SMCHD1: variants seen among roughly 807,000 people sequenced by gnomAD.
SMCHD1 encodes the protein structural maintenance of chromosomes flexible hinge domain-containing protein 1.
Under a neutral mutation model 254.7 loss-of-function variants are expected in SMCHD1, and 78 were observed. The ratio of observed to expected loss-of-function variants is 0.31; its 90% confidence interval spans 0.26 to 0.37. The LOEUF (loss-of-function observed/expected upper bound fraction) is 0.37, where lower values mean the gene tolerates loss of function less well. Among genes scored for constraint, SMCHD1 ranks in the 10% least tolerant of loss-of-function variants. SMCHD1 has a pLI of 1.00. For missense variants in SMCHD1, 1,840 were observed against 2,408.1 expected (o/e 0.76, Z 4.94); for synonymous variants, 766 against 794.9 (o/e 0.96, Z 0.61).
Position 2,733,134 on chromosome 18 carries a change from C to T in SMCHD1, c.3276+642C>T, listed in dbSNP as rs76480042. Among the ~76,000 whole-genome samples the T allele has an allele frequency of 8.6e-3, 1,310 of 152,284 alleles. 17 individuals carry two copies. The highest frequency in any genetic ancestry group is 0.029 in the African/African-American group (1,212 of 41,550). The stretch of plus-strand genomic sequence containing the variant: ...TTTTTAGCATTCCTTTGATGGTTGA[C>T]TGAAAGAATAGTGGACAGTCTATGC... On this transcript the variant is annotated intron_variant, in intron 25 of 47. Transcript: ENST00000320876.
At chr18:2,739,140 T>C (rs1169695757) in intron 26 of SMCHD1, among the ~76,000 whole-genome samples, 1 of 152,188 alleles carries the variant, frequency 6.6e-6, no homozygotes, top group Non-Finnish European at 1.5e-5. Context: ...CTCAATGAGT[T>C]GTTAACTCAT....
At chr18:2,787,733 C>G (rs1026036584) in intron 45 of SMCHD1, among the ~76,000 whole-genome samples, 2 of 152,138 alleles carry the variant, frequency 1.3e-5, no homozygotes, top group Non-Finnish European at 2.9e-5. Flanking sequence ...AGATACACTC[C>G]CACATACAGA....
At chr18:2,751,755 G>GT (rs1430341509) in intron 33 of SMCHD1, among the ~76,000 whole-genome samples, 1 of 152,092 alleles carries the variant, frequency 6.6e-6, no homozygotes, top group African/African-American at 2.4e-5. Context: ...AGAGTGGAGA[G>GT]TTAGAGGGTC....
At chr18:2,673,492 T>C (rs1278139692) in intron 4 of SMCHD1, 129 bp downstream of exon 4, 1 of 747,640 alleles carries the variant, frequency 1.3e-6, no homozygotes, top group Non-Finnish European at 2.0e-6. Context: ...TCTTCATCCA[T>C]TGTTAAAATT....
chr18:2,715,575 T>G lies in SMCHD1; in HGVS notation c.2261-2583T>G, dbSNP rs868785667. Among the ~76,000 whole-genome samples the G allele has an allele frequency of 3.9e-5, 6 of 152,276 alleles. 1 individual carries two copies. In the Middle Eastern group the frequency reaches 0.01, roughly 259 times the overall value. On this transcript the variant is annotated intron_variant, in intron 17 of 47. Coordinates refer to ENST00000320876, the MANE Select transcript of SMCHD1 (RefSeq NM_015295.3). The stretch of plus-strand genomic sequence containing the variant: ...CATAGAGCTTCTTTAAAAATCAGTA[T>G]TTTAGCTGGGCTTGGTGGCTGATGC...
intron 38 of SMCHD1, 49 bp from the exon 39 acceptor site, chr18:2,769,930 ACATATTTTAG>A (rs1213731774): frequency 6.5e-7 from 1 of 1,534,830 alleles, no homozygotes; most frequent in East Asian, 2.4e-5. Context: ...CCACTTTATG[ACATATTTTAG>A]AAAAGTCAGT....
Position 2,655,970 on chromosome 18 carries a change from C to T in SMCHD1, c.-106C>T, listed in dbSNP as rs2073040628. The T allele has an allele frequency of 1.0e-6, 1 of 990,902 alleles. No homozygotes were observed. The highest frequency in any genetic ancestry group is 1.3e-6 in the Non-Finnish European group (1 of 767,980). The allele number at this position is 990,902 out of a possible 1,614,324, so 61.4% of individuals were successfully genotyped here. A position where few individuals can be genotyped will look rare whatever the true frequency, so the allele number is the denominator to read the frequency against. On this transcript the variant is annotated 5_prime_UTR_variant, in exon 1 of 48. Transcript: ENST00000320876. ...GAGCTGCAGCGCGCCGGGCCGAGGC[C>T]TCGAGCCGCCCCGGGAGCTGGAGCT...
In SMCHD1 at chr18:2,787,641, AGAAAGAATTACCTGTG is replaced by A. The variant is rs562655179; in HGVS notation, c.5719+3024_5719+3039del. On this transcript the variant is annotated intron_variant, in intron 45 of 47. Transcript: ENST00000320876. ...TTTTATGGCAGTAGTTCCCAAAACC[AGAAAGAATTACCTGTG>A]GAACTTAAAAAATACACAGATGTCA... 7.2e-5 allele frequency among the ~76,000 whole-genome samples: 11 copies of A among 152,346 alleles called. No homozygotes were observed. The East Asian group carries it at 2.1e-3, about 29-fold the overall frequency.
intron 3 of SMCHD1, 105 bp from the exon 4 acceptor site, chr18:2,673,176 C>G (rs907358388): frequency 7.2e-7 from 1 of 1,390,594 alleles, no homozygotes. Context: ...TACTTTAATT[C>G]TAGCTCTTTG....
At chr18:2,747,434 T>C (rs1160846886) in intron 29 of SMCHD1, 88 bp from the exon 30 acceptor site, 2 of 1,185,666 alleles carry the variant, frequency 1.7e-6, no homozygotes, top group Non-Finnish European at 1.1e-6. Flanking sequence ...CAGAGATAAA[T>C]TAAGTGATCG....
intron 20 of SMCHD1, among the ~76,000 whole-genome samples, chr18:2,723,251 A>G (rs183909593): frequency 3.3e-5 from 5 of 152,296 alleles, no homozygotes; most frequent in Non-Finnish European, 7.3e-5. Context: ...TTTCACTGAT[A>G]AAGCAAATGG....
Position 2,751,360 on chromosome 18 carries a change from G to A in SMCHD1, c.4248G>A (p.Lys1416=). 1 of 1,577,372 alleles carries A rather than the reference G, an allele frequency of 6.3e-7. No individual in the cohort carries two copies. Among genetic ancestry groups the A allele is most frequent in the Non-Finnish European group, 8.6e-7 (1 of 1,167,526 alleles). The change falls in exon 33 of 48, where the codon AAG becomes AAA. Residue 1416 remains lysine (K), a synonymous_variant. Coordinates refer to ENST00000320876, the MANE Select transcript of SMCHD1 (RefSeq NM_015295.3). ...NPARISMKMW[K]LSTSGNRPPA... is the part of the protein sequence containing the mutation. ...CACGTATTTCCATGAAAATGTGGAA[G>A]CTGTCTACCAGTGGGAACCGACCCC...
intron 45 of SMCHD1, among the ~76,000 whole-genome samples, chr18:2,790,169 G>A (rs56117428): frequency 0.19 from 29,429 of 152,142 alleles, 3,085 homozygotes; most frequent in Admixed American, 0.26. Flanking sequence ...GCAACAGAGC[G>A]AGACTTTGTC....
chr18:2,684,439 A>T (rs1393485117), intron 5 of SMCHD1, among the ~76,000 whole-genome samples: 1 of 151,774 alleles, frequency 6.6e-6, no homozygotes, highest in African/African-American at 2.4e-5. Context: ...CTTTCTTTTC[A>T]TTAGTGTTAA....
chr18:2,748,446 T>G lies in SMCHD1; in HGVS notation c.3927+799T>G. On this transcript the variant is annotated intron_variant, in intron 30 of 47. Transcript: ENST00000320876. ...CTCGCTGCAACGCCCCAGGCTGGAG[T>G]GCAGTGGCGTGATCTTGGCTCACTG... is the stretch of plus-strand genomic sequence containing the variant. Among the ~76,000 whole-genome samples the G allele has an allele frequency of 1.5e-5, 2 of 136,906 alleles. 1 individual carries two copies. 89.8% of individuals were successfully genotyped at this position (136,906 alleles called of 152,430 possible).
In SMCHD1 at chr18:2,796,120, T is replaced by C. The variant is rs2076259346; in HGVS notation, c.5878+13T>C. ...GAGGAAAAACTAGGTAAGTCTTTGC[T>C]TTTTGTTAACTTCTACTTTCTTTAT... On this transcript the variant is annotated intron_variant, in intron 46 of 47. Coordinates refer to ENST00000320876, the MANE Select transcript of SMCHD1 (RefSeq NM_015295.3). 6.6e-7 allele frequency: 1 copy of C among 1,517,118 alleles called. No individual in the cohort carries two copies. The highest frequency in any genetic ancestry group is 1.4e-5 in the African/African-American group (1 of 71,186). 94.0% of individuals were successfully genotyped at this position (1,517,118 alleles called of 1,614,324 possible).
intron 44 of SMCHD1, among the ~76,000 whole-genome samples, chr18:2,782,019 A>G (rs947756057): frequency 2.6e-5 from 4 of 152,254 alleles, no homozygotes; most frequent in African/African-American, 9.6e-5. Context: ...GTTGTAGCAC[A>G]TACGTGACAA....
At chr18:2,671,311 T>C (rs548609861) in intron 3 of SMCHD1, among the ~76,000 whole-genome samples, 1 of 152,182 alleles carries the variant, frequency 6.6e-6, no homozygotes, top group Non-Finnish European at 1.5e-5. Flanking sequence ...TATTTTAAAC[T>C]CTTAATGTAG....
At position 2,666,764 on chromosome 18, in the gene SMCHD1, C is replaced by G. The variant is rs1041426837; in HGVS notation, c.263-106C>G. The G allele has an allele frequency of 5.5e-6, 5 of 907,502 alleles. No individual in the cohort carries two copies. The African/African-American group carries it at 6.7e-5, about 12-fold the overall frequency. 56.2% of individuals were successfully genotyped at this position (907,502 alleles called of 1,614,324 possible). Reference sequence around the variant, plus strand: ...GTAGATGATTGGGGGTTTTTCTTTACCATCATTAAAGATATTTCATAGATA... The same window carrying G: ...GTAGATGATTGGGGGTTTTTCTTTAGCATCATTAAAGATATTTCATAGATA... On this transcript the variant is annotated intron_variant, in intron 2 of 47. Transcript: ENST00000320876.
Sources: allele counts gnomAD v4.1 joint callset (sites outside exome capture counted in the v4.1 genomes callset), GRCh38; gene constraint gnomAD v4.1.1; transcripts MANE v1.5; gene names NCBI Gene and HGNC (gene_info 2026-07-23, HGNC 2026-07-21).